Variants in FOXN1 observed in about 807,000 individuals in gnomAD.
FOXN1 encodes forkhead box N1, also known as forkhead box protein N1.
A neutral mutation model predicts 49.0 loss-of-function variants in FOXN1; 15 were observed. The ratio of observed to expected loss-of-function variants is 0.31; its 90% CI spans 0.20 to 0.47. The LOEUF (loss-of-function observed/expected upper bound fraction) is 0.47, where lower values mean the gene tolerates loss of function less well. Among genes scored for constraint, FOXN1 ranks in the 20% least tolerant of loss-of-function variants. The pLI is 1.00. For missense variants in FOXN1, 800 were observed against 842.8 expected (o/e 0.95, Z 0.63); for synonymous variants, 356 against 369.0 (o/e 0.96, Z 0.40).
At chr17:28,519,784 A>G (rs969870787) in intron 1 of FOXN1, among the ~76,000 whole-genome samples, 2 of 152,006 alleles carry the variant, frequency 1.3e-5, no homozygotes, top group East Asian at 1.9e-4. Context: ...GCTCTACCAC[A>G]TGGGAAAGGC....
chr17:28,514,998 G>C, intron 1 of FOXN1, among the ~76,000 whole-genome samples: 1 of 152,144 alleles, frequency 6.6e-6, no homozygotes, highest in East Asian at 1.9e-4. Flanking sequence ...ATCCTGGGGA[G>C]CATAATATAC....
intron 1 of FOXN1, among the ~76,000 whole-genome samples, chr17:28,510,495 C>G (rs1337427370): frequency 4.0e-5 from 6 of 151,274 alleles, no homozygotes; most frequent in African/African-American, 1.5e-4. Flanking sequence ...AATTCCATAG[C>G]CATGTCCCGG....
In FOXN1 at chr17:28,535,163, C is replaced by A; in HGVS notation, c.1592C>A (p.Ala531Asp). Residue 531 changes from alanine (A) to aspartate (D), a missense_variant, in exon 8 of 9, where the codon GCC becomes GAC. By Grantham distance (126) the Ala-to-Asp change is moderately radical (BLOSUM62 -2). Coordinates refer to ENST00000579795, the MANE Select transcript of FOXN1 (RefSeq NM_001369369.1). ...PDGDLGTDLD[A>D]INPSLTDFDF... is the part of the protein sequence containing the mutation. Reference sequence around the variant, plus strand: ...GGAGACCTTGGCACTGACCTGGATGCCATCAATCCCTCACTCACTGACTTC... The same window carrying A: ...GGAGACCTTGGCACTGACCTGGATGACATCAATCCCTCACTCACTGACTTC... 2 of 1,613,370 alleles carry A rather than the reference C, an allele frequency of 1.2e-6. No homozygotes were observed. Among genetic ancestry groups the A allele is most frequent in the South Asian group, 1.1e-5 (1 of 90,944 alleles).
chr17:28,526,994 C>T (rs1013629450), intron 3 of FOXN1, among the ~76,000 whole-genome samples: 5 of 152,192 alleles, frequency 3.3e-5, no homozygotes, highest in African/African-American at 1.2e-4. Context: ...CCTGACTTCT[C>T]AGGACAGCCC....
intron 8 of FOXN1, 85 bp from the exon 9 acceptor site, chr17:28,537,032 C>T (rs1288337642): frequency 2.0e-6 from 2 of 1,021,888 alleles, no homozygotes; most frequent in African/African-American, 1.6e-5. Flanking sequence ...CTCTCTGCAG[C>T]ATGTGAAGAT....
At chr17:28,516,455 C>T (rs2069503628) in intron 1 of FOXN1, among the ~76,000 whole-genome samples, 4 of 151,194 alleles carry the variant, frequency 2.6e-5, no homozygotes, top group African/African-American at 9.8e-5. Flanking sequence ...AGGATCCACA[C>T]CTCCACAGGG....
At chr17:28,512,083 T>C (rs1387497156) in intron 1 of FOXN1, among the ~76,000 whole-genome samples, 2 of 151,994 alleles carry the variant, frequency 1.3e-5, no homozygotes, top group African/African-American at 4.8e-5. Flanking sequence ...TGCTTAGAGG[T>C]CAGCCACTTC....
At chr17:28,527,423 G>T in intron 4 of FOXN1, 62 bp downstream of exon 4, 1 of 901,068 alleles carries the variant, frequency 1.1e-6, no homozygotes, top group Non-Finnish European at 1.8e-6. Flanking sequence ...GTGTGTATGT[G>T]GTGTGTGGGT....
chr17:28,513,754 G>A (rs1038021595), intron 1 of FOXN1, among the ~76,000 whole-genome samples: 1 of 152,260 alleles, frequency 6.6e-6, no homozygotes, highest in African/African-American at 2.4e-5. Context: ...CCGAAGCGGT[G>A]ATGGTGGCCA....
rs372467390 is a variant in FOXN1, at chr17:28,530,268, TTAAG to T, written c.831-476_831-473del. ...GTAGCAGTTCAGGCTGTTGGAAGGA[TTAAG>T]TAAGAGAATGTAGGTACTGTGCTTG... On this transcript the variant is annotated intron_variant, in intron 5 of 8. Coordinates refer to ENST00000579795, the MANE Select transcript of FOXN1 (RefSeq NM_001369369.1). Among the ~76,000 whole-genome samples the T allele has an allele frequency of 4.1e-4, 62 of 152,242 alleles. No homozygotes were observed. In the East Asian group the frequency reaches 0.012, roughly 28 times the overall value.
In FOXN1 at chr17:28,534,888, G is replaced by A. The variant is rs750849247; in HGVS notation, c.1317G>A (p.Leu439=). ...APGPIPGKNP[L]QDLLMGHTPS... is the part of the protein sequence containing the mutation. ...GCCCCATTCCTGGCAAGAACCCCCT[G>A]CAGGACCTACTTATGGGGCACACAC... The change falls in exon 8 of 9, where the codon CTG becomes CTA. Residue 439 remains leucine, a synonymous_variant. Transcript: ENST00000579795. This position sits in a 1 kb window ranked among gnomAD's most constrained non-coding sequence, Gnocchi z 4.1. The A allele has an allele frequency of 6.2e-7, 1 of 1,614,034 alleles. No homozygotes were observed. Among genetic ancestry groups the A allele is most frequent in the South Asian group, 1.1e-5 (1 of 91,078 alleles).
chr17:28,516,166 C>T (rs991471126), intron 1 of FOXN1, among the ~76,000 whole-genome samples: 12 of 150,790 alleles, frequency 8.0e-5, no homozygotes, highest in African/African-American at 2.9e-4. Context: ...AGGATCCATA[C>T]CTCCACAGGG....
chr17:28,526,346 A>T (rs1384599650), intron 3 of FOXN1, among the ~76,000 whole-genome samples: 1 of 152,226 alleles, frequency 6.6e-6, no homozygotes, highest in Non-Finnish European at 1.5e-5. Context: ...ACCCAGAGAG[A>T]GGTCACAGCT....
At chr17:28,527,500 T>G (rs1323311262) in intron 4 of FOXN1, 139 bp downstream of exon 4, 1 of 686,994 alleles carries the variant, frequency 1.5e-6, no homozygotes, top group African/African-American at 1.8e-5. Context: ...AACCTTAGGC[T>G]TGGCCACAGC....
At chr17:28,509,086 G>C (rs1042402234) in intron 1 of FOXN1, among the ~76,000 whole-genome samples, 1 of 152,024 alleles carries the variant, frequency 6.6e-6, no homozygotes, top group Non-Finnish European at 1.5e-5. Flanking sequence ...GGACCTCCAG[G>C]AGCTGGGGAA....
intron 5 of FOXN1, among the ~76,000 whole-genome samples, chr17:28,529,586 T>C (rs756149861): frequency 6.6e-6 from 1 of 152,134 alleles, no homozygotes; most frequent in African/African-American, 2.4e-5. Context: ...GAAGCCCCCC[T>C]CAAAGCTCTA....
intron 1 of FOXN1, among the ~76,000 whole-genome samples, chr17:28,517,785 C>A (rs919517467): frequency 1.4e-5 from 2 of 139,296 alleles, no homozygotes; most frequent in Non-Finnish European, 3.1e-5. Context: ...AGGATCCATA[C>A]CTCCACAGGG....
intron 1 of FOXN1, among the ~76,000 whole-genome samples, chr17:28,514,261 C>T (rs998183274): frequency 6.6e-6 from 1 of 152,024 alleles, no homozygotes; most frequent in South Asian, 2.1e-4. Context: ...TGGAGGAAAG[C>T]GTCACCTGGG....
chr17:28,524,553 G>C lies in FOXN1; in HGVS notation c.174G>C (p.Glu58Asp), dbSNP rs199685259. ...CATTTGTGTCCGACGGCCCTCCAGAGAGGACACCCTCACTGCCCCCACACA... is the reference window on the plus strand; with the variant it reads ...CATTTGTGTCCGACGGCCCTCCAGACAGGACACCCTCACTGCCCCCACACA... The part of the protein sequence containing the change: ...CSSFVSDGPP[E>D]RTPSLPPHSP... The change falls in exon 3 of 9, where the codon GAG (glutamate) becomes GAC (aspartate). Residue 58 changes from glutamate to aspartate, a missense_variant. By Grantham distance (45) the Glu-to-Asp change is conservative (BLOSUM62 2). This residue lies in a region of FOXN1 where 383 missense variants were observed against 357.9 expected (regional missense o/e 1.07). Transcript: ENST00000579795. 9 of 1,613,612 alleles carry C rather than the reference G, an allele frequency of 5.6e-6. No homozygotes were observed. Among genetic ancestry groups the C allele is most frequent in the African/African-American group, 2.7e-5 (2 of 74,918 alleles).
Sources: allele counts gnomAD v4.1 joint callset (sites outside exome capture counted in the v4.1 genomes callset), GRCh38; gene constraint gnomAD v4.1.1; regional missense constraint gnomAD v4.1.1; non-coding constraint Gnocchi (gnomAD v3.1); transcripts MANE v1.5; gene names NCBI Gene and HGNC (gene_info 2026-07-23, HGNC 2026-07-21).